INCENP: variants seen among roughly 807,000 people sequenced by gnomAD.
INCENP encodes inner centromere protein, also known as binds and activates aurora-B and -C in vivo and in vitro.
INCENP carries 43 observed loss-of-function variants against 107.3 expected under a neutral mutation model. The ratio of observed to expected loss-of-function variants is 0.40; its 90% CI spans 0.31 to 0.52. The LOEUF (loss-of-function observed/expected upper bound fraction) is 0.52. Ranked by LOEUF, INCENP falls within the 20% of genes least tolerant of loss-of-function variation. INCENP has a pLI of 0.53. For missense variants in INCENP, 1,089 were observed against 1,250.9 expected (o/e 0.87, Z 1.95); for synonymous variants, 488 against 494.4 (o/e 0.99, Z 0.17).
intron 16 of INCENP, 53 bp from the exon 17 acceptor site, chr11:62,148,686 A>G: frequency 1.4e-6 from 2 of 1,407,166 alleles, no homozygotes; most frequent in Non-Finnish European, 1.9e-6. Context: ...AGGGGAGGGG[A>G]GGGAAGGGCA....
intron 4 of INCENP, among the ~76,000 whole-genome samples, chr11:62,132,698 C>T (rs146072927): frequency 6.6e-6 from 1 of 152,166 alleles, no homozygotes; most frequent in African/African-American, 2.4e-5. Flanking sequence ...TTCCATCACT[C>T]TTCCCTCTCT....
rs371320244 is a variant in INCENP, at chr11:62,140,253, A to C, written c.1311A>C (p.Ala437=). Residue 437 remains alanine (A), a synonymous_variant, in exon 8 of 19, where the codon GCA becomes GCC. Coordinates refer to ENST00000394818, the MANE Select transcript of INCENP (RefSeq NM_001040694.2). ...TCACAGAGGCCAAGACGGACCAAGC[A>C]GATGGACCCAGAGAGCCACCGCAGA... ...AGQQEAKTDQ[A]DGPREPPQSA... is the part of the protein sequence containing the mutation. 9.5e-5 allele frequency: 154 copies of C among 1,613,612 alleles called. No homozygotes were observed. The highest frequency in any genetic ancestry group is 1.2e-4 in the Non-Finnish European group (146 of 1,179,896).
In INCENP at chr11:62,144,976, C is replaced by G; in HGVS notation, c.1606-6C>G. ...GTCCCATCTCCCTCGCTCCCCGCCA[C>G]CCCAGGAGAAGGAGCGGCAGCGCCT... On this transcript the variant is annotated splice_region_variant and splice_polypyrimidine_tract_variant and intron_variant, in intron 11 of 18. Transcript: ENST00000394818. 1 of 1,592,562 alleles carries G rather than the reference C, an allele frequency of 6.3e-7. No homozygotes were observed. The highest frequency in any genetic ancestry group is 8.5e-7 in the Non-Finnish European group (1 of 1,171,400).
At chr11:62,136,847 A>G (rs766013499) in intron 4 of INCENP, among the ~76,000 whole-genome samples, 27 of 152,214 alleles carry the variant, frequency 1.8e-4, no homozygotes, top group African/African-American at 5.8e-4. Flanking sequence ...CTTTTGTGCC[A>G]TCAGGGCAAA....
rs749062114 is a variant in INCENP at position 62,130,581 on chromosome 11, C to T, written c.1054C>T (p.Arg352Cys). 4 of 1,610,888 alleles carry T rather than the reference C, an allele frequency of 2.5e-6. No individual in the cohort carries two copies. The highest frequency in any genetic ancestry group is 1.3e-5 in the African/African-American group (1 of 75,054). Residue 352 changes from arginine to cysteine, a missense_variant, in exon 4 of 19, where the codon CGC (arginine) becomes TGC (cysteine). Transcript: ENST00000394818. Reference sequence around the variant, plus strand: ...TGCCGAAGAGCCAGCTGCCTCTGGCCGCATCATCTGTGAGTCTGGGGGCTT... The same window carrying T: ...TGCCGAAGAGCCAGCTGCCTCTGGCTGCATCATCTGTGAGTCTGGGGGCTT... ...KTAEEPAASG[R>C]IICHSYLERL... is the part of the protein sequence containing the mutation.
chr11:62,141,823 C>T (rs1056084018), intron 11 of INCENP: 7 of 504,410 alleles, frequency 1.4e-5, no homozygotes, highest in Non-Finnish European at 2.5e-5. Context: ...TCCCCTGCAC[C>T]AGGCCCCGTC....
At chr11:62,144,818 C>T (rs755162854) in intron 11 of INCENP, 164 bp from the exon 12 acceptor site, 4 of 778,320 alleles carry the variant, frequency 5.1e-6, no homozygotes, top group Admixed American at 3.4e-5. Flanking sequence ...CGGGCCTTGG[C>T]TTGGGTGCTG....
intron 2 of INCENP, 89 bp from the exon 3 acceptor site, chr11:62,128,681 C>A: frequency 1.1e-6 from 1 of 937,532 alleles, no homozygotes; most frequent in Non-Finnish European, 1.8e-6. Context: ...CCTGTCGCTG[C>A]CAGGAAATGG....
intron 17 of INCENP, among the ~76,000 whole-genome samples, chr11:62,149,420 A>G (rs1018532405): frequency 6.6e-6 from 1 of 152,208 alleles, no homozygotes; most frequent in African/African-American, 2.4e-5. Context: ...CAAACAAAAC[A>G]ATGTTTTCAT....
At chr11:62,135,586 AT>A in intron 4 of INCENP, among the ~76,000 whole-genome samples, 1 of 151,924 alleles carries the variant, frequency 6.6e-6, no homozygotes, top group African/African-American at 2.4e-5. Flanking sequence ...GATCTTTTAG[AT>A]GTGTCTGATT....
chr11:62,144,852 C>G (rs1029099901), intron 11 of INCENP, 130 bp from the exon 12 acceptor site: 1 of 854,490 alleles, frequency 1.2e-6, no homozygotes, highest in Non-Finnish European at 2.0e-6. Context: ...GGGGATACCT[C>G]TGCCTAAGAA....
chr11:62,137,798 A>T (rs534573193), intron 4 of INCENP, 34 bp from the exon 5 acceptor site: 3 of 1,608,846 alleles, frequency 1.9e-6, no homozygotes, highest in African/African-American at 2.7e-5. Context: ...GTGGTCTCTG[A>T]TGAGATCTTT....
At chr11:62,141,627 G>T in intron 11 of INCENP, 116 bp downstream of exon 11, 2 of 1,366,246 alleles carry the variant, frequency 1.5e-6, no homozygotes, top group Non-Finnish European at 2.1e-6. Context: ...AAGCGGGAGG[G>T]GAGCCTTAGG....
intron 4 of INCENP, among the ~76,000 whole-genome samples, chr11:62,136,922 G>A (rs1055869492): frequency 6.6e-6 from 1 of 152,150 alleles, no homozygotes; most frequent in African/African-American, 2.4e-5. Flanking sequence ...GATTAGTTAC[G>A]ACCTCGTGGA....
At chr11:62,140,565 G>C (rs888551080) in intron 8 of INCENP, 139 bp from the exon 9 acceptor site, 3 of 734,800 alleles carry the variant, frequency 4.1e-6, no homozygotes, top group African/African-American at 3.5e-5. Flanking sequence ...GGCAGCAGAG[G>C]GTTGCTTAGG....
In INCENP at chr11:62,145,610, G is replaced by T; in HGVS notation, c.1837-19G>T. 6.3e-7 allele frequency: 1 copy of T among 1,590,000 alleles called. No individual in the cohort carries two copies. The highest frequency in any genetic ancestry group is 2.3e-5 in the East Asian group (1 of 43,864). Reference sequence around the variant, plus strand: ...TGAATGTGGGTGCTCCAATGGGCATGTGTGGGTGGGCTCTGCAGGCCAAGG... The same window carrying T: ...TGAATGTGGGTGCTCCAATGGGCATTTGTGGGTGGGCTCTGCAGGCCAAGG... On this transcript the variant is annotated intron_variant, in intron 13 of 18. Transcript: ENST00000394818.
At chr11:62,136,373 A>G (rs1055933276) in intron 4 of INCENP, among the ~76,000 whole-genome samples, 16 of 152,006 alleles carry the variant, frequency 1.1e-4, no homozygotes. Context: ...CATGTACTTG[A>G]GTTTAGATTT....
At position 62,148,745 on chromosome 11, in the gene INCENP, C is replaced by A; in HGVS notation, c.2290C>A (p.Gln764Lys). Residue 764 changes from glutamine (Q) to lysine (K), a missense_variant, in exon 17 of 19, where the codon CAG becomes AAG. Physicochemically the swap from Gln to Lys is moderately conservative, Grantham distance 53. Transcript: ENST00000394818. ...ATTGCCACCTGGGTTCCAGGAAGAG[C>A]AGCAGCGTCTGGCTGAGCGGCAGCT... The part of the protein sequence containing the change: ...ELEEKKKKEE[Q>K]QRLAERQLQE... 6.3e-7 allele frequency: 1 copy of A among 1,586,528 alleles called. No homozygotes were observed. Among genetic ancestry groups the A allele is most frequent in the Non-Finnish European group, 8.6e-7 (1 of 1,168,180 alleles).
Position 62,130,593 on chromosome 11 carries a change from G to A in INCENP, c.1063+3G>A, listed in dbSNP as rs367546911. 6.8e-6 allele frequency: 11 copies of A among 1,607,052 alleles called. No individual in the cohort carries two copies. In the African/African-American group the frequency reaches 1.5e-4, roughly 21 times the overall value. Reference sequence around the variant, plus strand: ...AGCTGCCTCTGGCCGCATCATCTGTGAGTCTGGGGGCTTGGCAGTGGCGGG... The same window carrying A: ...AGCTGCCTCTGGCCGCATCATCTGTAAGTCTGGGGGCTTGGCAGTGGCGGG... On this transcript the variant is annotated splice_donor_region_variant and intron_variant, in intron 4 of 18. Coordinates refer to ENST00000394818, the MANE Select transcript of INCENP (RefSeq NM_001040694.2).
Sources: gnomAD v4.1 joint callset for allele counts (sites outside exome capture counted in the v4.1 genomes callset) on GRCh38, gnomAD v4.1.1 for gene constraint, MANE v1.5 for transcripts, NCBI Gene and HGNC (gene_info 2026-07-23, HGNC 2026-07-21) for gene names.